R3HDM2: variants seen among roughly 807,000 people sequenced by gnomAD.
R3HDM2 encodes R3H domain-containing protein 2.
A neutral mutation model predicts 124.5 loss-of-function variants in R3HDM2; 38 were observed. The ratio of observed to expected loss-of-function variants is 0.31; its 90% CI spans 0.24 to 0.40. The LOEUF is 0.40. Ranked by LOEUF, R3HDM2 falls within the 10% of genes least tolerant of loss-of-function variation. R3HDM2 has a pLI of 1.00. For missense variants in R3HDM2, 869 were observed against 1,236.9 expected, an observed-to-expected ratio of 0.70 and a Z score of 4.46; for synonymous variants, 391 against 448.0, an observed-to-expected ratio of 0.87 and a Z score of 1.61.
At chr12:57,269,622 C>T in intron 15 of R3HDM2, 130 bp downstream of exon 15, 1 of 1,475,028 alleles carries the variant, frequency 6.8e-7, no homozygotes, top group African/African-American at 1.4e-5. Context: ...GACTTTCTGG[C>T]TAGAACAACT....
chr12:57,412,580 A>G (rs1465753114), intron 1 of R3HDM2, among the ~76,000 whole-genome samples: 1 of 152,110 alleles, frequency 6.6e-6, no homozygotes, highest in Non-Finnish European at 1.5e-5. Flanking sequence ...CAAAACCCAC[A>G]AAGTATTAAA....
At chr12:57,393,475 A>C (rs1276410449) in intron 2 of R3HDM2, among the ~76,000 whole-genome samples, 1 of 152,086 alleles carries the variant, frequency 6.6e-6, no homozygotes, top group African/African-American at 2.4e-5. Context: ...GCAAGACCTC[A>C]TCTCTAACAA....
intron 2 of R3HDM2, among the ~76,000 whole-genome samples, chr12:57,362,233 T>C (rs980549916): frequency 6.6e-6 from 1 of 152,216 alleles, no homozygotes. Flanking sequence ...CTTCCATCCC[T>C]GAGACAGCAA....
At chr12:57,283,560 G>A (rs538266564) in intron 13 of R3HDM2, among the ~76,000 whole-genome samples, 49 of 152,226 alleles carry the variant, frequency 3.2e-4, no homozygotes, top group Admixed American at 5.9e-4. Context: ...CCAACATGGT[G>A]AGACCTCACC....
At position 57,280,533 on chromosome 12, in the gene R3HDM2, A is replaced by G. The variant is rs1270084877; in HGVS notation, c.1172-3T>C. On this transcript the variant is annotated splice_region_variant and splice_polypyrimidine_tract_variant and intron_variant, in intron 13 of 23. Transcript: ENST00000402412. ...TTCTGGGGCACCTAGTGCCATACCT[A>G]AGGCAAAGAAGAAACCCACAAAAAG... 1 of 1,585,842 alleles carries G rather than the reference A, an allele frequency of 6.3e-7. No individual in the cohort carries two copies. Among genetic ancestry groups the G allele is most frequent in the Non-Finnish European group, 8.6e-7 (1 of 1,166,060 alleles).
chr12:57,272,395 A>T (rs2043771264), intron 14 of R3HDM2: 1 of 1,394,604 alleles, frequency 7.2e-7, no homozygotes, highest in African/African-American at 1.4e-5. Context: ...TGACCCAGAC[A>T]TACCTACAGA....
intron 2 of R3HDM2, among the ~76,000 whole-genome samples, chr12:57,389,972 C>T (rs776087058): frequency 4.6e-5 from 7 of 152,080 alleles, no homozygotes; most frequent in Non-Finnish European, 7.4e-5. Flanking sequence ...CACTGAACAA[C>T]ATCAGAAGTA....
chr12:57,285,924 C>T (rs2047230987), intron 12 of R3HDM2, among the ~76,000 whole-genome samples: 1 of 152,134 alleles, frequency 6.6e-6, no homozygotes, highest in Admixed American at 6.5e-5. Context: ...ATCCAGTTTC[C>T]CCAAGACAGT....
intron 1 of R3HDM2, among the ~76,000 whole-genome samples, chr12:57,423,569 T>G (rs1460601388): frequency 6.6e-6 from 1 of 151,940 alleles, no homozygotes; most frequent in Non-Finnish European, 1.5e-5. Context: ...CCCAGCACTT[T>G]GGGAGGCCGA....
chr12:57,313,519 C>G (rs2054355141), intron 2 of R3HDM2, among the ~76,000 whole-genome samples: 1 of 149,128 alleles, frequency 6.7e-6, no homozygotes, highest in Admixed American at 6.7e-5. Context: ...AGCCATGACT[C>G]TGCCACTGCA....
Position 57,280,491 on chromosome 12 carries a change from G to A in R3HDM2, c.1211C>T (p.Thr404Ile). Residue 404 changes from threonine (T) to isoleucine (I), a missense_variant, in exon 14 of 24, where the codon ACC becomes ATC. This residue lies in a region of R3HDM2 where 602 missense variants were observed against 789.2 expected (regional missense o/e 0.76). Transcript: ENST00000402412. ...AAGCCCCCGGACAGACTGGGATGAG[G>A]TGACCTGGTTGCACACTTCTGGGGC... ...LGAPEVCNQVTSSQSVRGLLP... is the reference protein window; with the variant it reads ...LGAPEVCNQVISSQSVRGLLP... 1 of 1,613,630 alleles carries A rather than the reference G, an allele frequency of 6.2e-7. No individual in the cohort carries two copies. Among genetic ancestry groups the A allele is most frequent in the Non-Finnish European group, 8.5e-7 (1 of 1,179,678 alleles).
chr12:57,318,277 G>T (rs1016998260), intron 2 of R3HDM2, among the ~76,000 whole-genome samples: 4 of 152,018 alleles, frequency 2.6e-5, no homozygotes, highest in African/African-American at 7.2e-5. Flanking sequence ...GGGCAAAAAG[G>T]CAAGACTCTG....
At chr12:57,299,729 G>A (rs988811124) in intron 5 of R3HDM2, among the ~76,000 whole-genome samples, 1 of 152,192 alleles carries the variant, frequency 6.6e-6, no homozygotes, top group African/African-American at 2.4e-5. Flanking sequence ...TATTGAATGG[G>A]AATGGTTCTA....
intron 1 of R3HDM2, among the ~76,000 whole-genome samples, chr12:57,416,781 C>T (rs962763475): frequency 1.1e-4 from 17 of 151,928 alleles, no homozygotes; most frequent in Admixed American, 1.1e-3. Flanking sequence ...GCACTCCAGC[C>T]TGGGCAACAG....
At chr12:57,262,009 C>G (rs959221408) in intron 19 of R3HDM2, among the ~76,000 whole-genome samples, 1 of 152,094 alleles carries the variant, frequency 6.6e-6, no homozygotes, top group East Asian at 1.9e-4. Context: ...ACATTTATGT[C>G]TGGCAGAATT....
At chr12:57,262,688 C>T (rs1268701031) in intron 19 of R3HDM2, among the ~76,000 whole-genome samples, 3 of 152,162 alleles carry the variant, frequency 2.0e-5, no homozygotes, top group Admixed American at 2.0e-4. Context: ...GTGGGTTATG[C>T]CTGCTGTCTA....
chr12:57,278,376 T>C (rs566626713), intron 14 of R3HDM2, among the ~76,000 whole-genome samples: 5 of 152,128 alleles, frequency 3.3e-5, no homozygotes, highest in Non-Finnish European at 7.4e-5. Context: ...TCTTTATTCC[T>C]CTCCCACTCT....
At chr12:57,321,968 A>G (rs997747481) in intron 2 of R3HDM2, among the ~76,000 whole-genome samples, 1 of 152,086 alleles carries the variant, frequency 6.6e-6, no homozygotes, top group African/African-American at 2.4e-5. Context: ...GGTGACTCAC[A>G]CCTGTAATCC....
In R3HDM2 at chr12:57,430,474, T is replaced by C. The variant is rs527401227; in HGVS notation, c.-106+246A>G. On this transcript the variant is annotated intron_variant, in intron 1 of 23. Coordinates refer to ENST00000402412, the MANE Select transcript of R3HDM2 (RefSeq NM_001394031.1). ...TAGGTCACCCCGCAAAGGCCACAGG[T>C]GGCGCCACCCCCCTGCCCCCGCACC... The C allele has an allele frequency of 3.2e-6, 3 of 948,948 alleles. No homozygotes were observed. In the South Asian group the frequency reaches 1.5e-4, roughly 46 times the overall value. The allele number at this position is 948,948 out of a possible 1,614,324, so 58.8% of individuals were successfully genotyped here.
Sources: gnomAD v4.1 joint callset for allele counts (sites outside exome capture counted in the v4.1 genomes callset) on GRCh38, gnomAD v4.1.1 for gene constraint, gnomAD v4.1.1 regional missense constraint, MANE v1.5 for transcripts, NCBI Gene and HGNC (gene_info 2026-07-23, HGNC 2026-07-21) for gene names.